Variants in MCTP1 observed in about 807,000 individuals in gnomAD.
MCTP1 encodes the protein multiple C2 and transmembrane domain-containing protein 1.
A neutral mutation model predicts 120.6 loss-of-function variants in MCTP1; 69 were observed. The ratio of observed to expected loss-of-function variants is 0.57; its 90% CI spans 0.47 to 0.70. The LOEUF (loss-of-function observed/expected upper bound fraction) is 0.70. MCTP1 is among the 30% of genes least tolerant of loss of function. MCTP1 has a pLI of 0.00. For synonymous variants in MCTP1, 529 were observed against 493.1 expected (o/e 1.07, Z -0.96); for missense variants, 1,203 against 1,248.8 (o/e 0.96, Z 0.55).
At chr5:94,852,342 C>G (rs75609843) in intron 17 of MCTP1, among the ~76,000 whole-genome samples, 7,256 of 151,882 alleles carry the variant, frequency 0.048, 556 homozygotes, top group African/African-American at 0.16. Context: ...ATATTGCCCT[C>G]TTAGGCAACA....
At chr5:94,765,808 G>T (rs542379625) in intron 19 of MCTP1, among the ~76,000 whole-genome samples, 1 of 149,406 alleles carries the variant, frequency 6.7e-6, no homozygotes, top group East Asian at 2.0e-4. Context: ...AAATTAAGCC[G>T]TTAGCAAGAC....
rs535563254 is a variant in MCTP1 at position 95,058,865 on chromosome 5, T to C, written c.721-41381A>G. 2.8e-4 allele frequency among the ~76,000 whole-genome samples: 43 copies of C among 152,240 alleles called. 2 individuals are homozygous for C. In the South Asian group the frequency reaches 8.7e-3, roughly 31 times the overall value. On this transcript the variant is annotated intron_variant, in intron 1 of 22. Coordinates refer to ENST00000515393, the MANE Select transcript of MCTP1 (RefSeq NM_024717.7). The stretch of plus-strand genomic sequence containing the variant: ...GGGTTTGACATTCTCTTTTTAAAGA[T>C]CCACAATTCCTTGACTCCAGAGCTG...
intron 2 of MCTP1, among the ~76,000 whole-genome samples, chr5:94,994,590 G>A (rs1832242878): frequency 6.6e-6 from 1 of 152,174 alleles, no homozygotes; most frequent in Non-Finnish European, 1.5e-5. Context: ...GTGACTGCAA[G>A]TGATTATCTG....
At chr5:95,001,176 G>C (rs539616455) in intron 2 of MCTP1, among the ~76,000 whole-genome samples, 2 of 152,316 alleles carry the variant, frequency 1.3e-5, no homozygotes, top group Admixed American at 1.3e-4. Context: ...AGCCTCCCCA[G>C]CCATGTGGAA....
At chr5:95,244,085 C>T (rs146129457) in intron 1 of MCTP1, among the ~76,000 whole-genome samples, 177 of 152,284 alleles carry the variant, frequency 1.2e-3, no homozygotes, top group Non-Finnish European at 2.0e-3. Context: ...ATATTTTTAA[C>T]GTACAGTCTC....
At chr5:94,826,663 A>G in intron 17 of MCTP1, 1 of 730,192 alleles carries the variant, frequency 1.4e-6, no homozygotes, top group Non-Finnish European at 2.4e-6. Flanking sequence ...GCACAGCAGG[A>G]ACCTTCTCTT....
At chr5:95,258,555 T>C (rs1758128512) in intron 1 of MCTP1, among the ~76,000 whole-genome samples, 2 of 152,172 alleles carry the variant, frequency 1.3e-5, no homozygotes. Flanking sequence ...TAATAAAGTA[T>C]GGACTTTAAG....
At chr5:94,927,229 CTTTGG>C (rs1462393228) in intron 6 of MCTP1, among the ~76,000 whole-genome samples, 1 of 152,036 alleles carries the variant, frequency 6.6e-6, no homozygotes, top group Admixed American at 6.5e-5. Flanking sequence ...AATTTCAGGA[CTTTGG>C]TTAGGTGGGG....
chr5:94,831,574 A>G (rs1788525330), intron 17 of MCTP1, among the ~76,000 whole-genome samples: 1 of 152,228 alleles, frequency 6.6e-6, no homozygotes, highest in South Asian at 2.1e-4. Flanking sequence ...CTTACAGCTG[A>G]TAGACACCTA....
intron 18 of MCTP1, among the ~76,000 whole-genome samples, chr5:94,795,083 G>A (rs775410144): frequency 6.6e-6 from 1 of 152,156 alleles, no homozygotes; most frequent in Non-Finnish European, 1.5e-5. Flanking sequence ...CCCTCTATGT[G>A]CAGTAGAAAT....
At chr5:94,862,763 T>A (rs1470524106) in intron 17 of MCTP1, among the ~76,000 whole-genome samples, 1 of 151,798 alleles carries the variant, frequency 6.6e-6, no homozygotes, top group East Asian at 1.9e-4. Context: ...TCATGTAATT[T>A]TGGACAATGT....
intron 5 of MCTP1, among the ~76,000 whole-genome samples, chr5:94,932,908 G>C (rs567202652): frequency 6.6e-6 from 1 of 151,830 alleles, no homozygotes; most frequent in African/African-American, 2.4e-5. Flanking sequence ...CCATAAAAAA[G>C]AACCATGTCA....
chr5:95,190,771 T>A (rs1008165744), intron 1 of MCTP1, among the ~76,000 whole-genome samples: 1 of 152,140 alleles, frequency 6.6e-6, no homozygotes, highest in Non-Finnish European at 1.5e-5. Flanking sequence ...TGCTATTTGA[T>A]GTACATTTGA....
intron 6 of MCTP1, among the ~76,000 whole-genome samples, chr5:94,926,214 C>G (rs1289108437): frequency 1.3e-5 from 2 of 152,114 alleles, no homozygotes; most frequent in African/African-American, 4.8e-5. Flanking sequence ...GAGCTTTAAA[C>G]ATAACACATA....
chr5:94,827,989 T>C (rs1226286861), intron 17 of MCTP1, among the ~76,000 whole-genome samples: 9 of 151,972 alleles, frequency 5.9e-5, no homozygotes, highest in Admixed American at 5.9e-4. Flanking sequence ...TTCCGTTCAG[T>C]TTGTTCTCTT....
chr5:95,166,375 A>C (rs1746354637), intron 1 of MCTP1, among the ~76,000 whole-genome samples: 1 of 152,178 alleles, frequency 6.6e-6, no homozygotes, highest in Non-Finnish European at 1.5e-5. Context: ...ATGTCATAAA[A>C]ATGCAGGTAA....
intron 17 of MCTP1, among the ~76,000 whole-genome samples, chr5:94,866,198 G>A (rs963501387): frequency 4.6e-5 from 7 of 151,836 alleles, no homozygotes; most frequent in Admixed American, 2.0e-4. Context: ...TTAACTGATT[G>A]GTTCATAGAT....
At chr5:94,861,478 A>T (rs915501738) in intron 17 of MCTP1, among the ~76,000 whole-genome samples, 1 of 151,856 alleles carries the variant, frequency 6.6e-6, no homozygotes, top group Non-Finnish European at 1.5e-5. Context: ...CTTAATGACT[A>T]AAGCATATTA....
intron 1 of MCTP1, among the ~76,000 whole-genome samples, chr5:95,269,417 G>A (rs973978671): frequency 1.3e-5 from 2 of 152,198 alleles, no homozygotes; most frequent in Non-Finnish European, 2.9e-5. Context: ...TTGAAGTCAT[G>A]ATACATGTAT....
Sources: gnomAD v4.1 joint callset for allele counts (sites outside exome capture counted in the v4.1 genomes callset) on GRCh38, gnomAD v4.1.1 for gene constraint, MANE v1.5 for transcripts, NCBI Gene and HGNC (gene_info 2026-07-23, HGNC 2026-07-21) for gene names.